Variants in GRIN3A observed in about 807,000 individuals in gnomAD.
The protein encoded by GRIN3A is glutamate ionotropic receptor NMDA type subunit 3A, also known as glutamate receptor ionotropic, NMDA 3A.
Under a neutral mutation model 92.4 loss-of-function variants are expected in GRIN3A, and 47 were observed. That is an observed-to-expected ratio of 0.51 (90% confidence interval 0.40 to 0.65). The LOEUF is 0.65. GRIN3A is among the 30% of genes least tolerant of loss of function. The pLI, the probability that GRIN3A is intolerant of heterozygous loss-of-function variation, is 0.00. For missense variants in GRIN3A, 1,324 were observed against 1,393.1 expected (o/e 0.95, Z 0.79); for synonymous variants, 527 against 540.6 (o/e 0.97, Z 0.35).
At chr9:101,696,032 C>A (rs1367801697) in intron 1 of GRIN3A, among the ~76,000 whole-genome samples, 1 of 152,184 alleles carries the variant, frequency 6.6e-6, no homozygotes, top group Non-Finnish European at 1.5e-5. Flanking sequence ...GCCTACCTAG[C>A]ATGTTACAAT....
chr9:101,670,354 G>A lies in GRIN3A; in HGVS notation c.2058C>T (p.His686=). 1.9e-6 allele frequency: 3 copies of A among 1,614,038 alleles called. No individual in the cohort carries two copies. Among genetic ancestry groups the A allele is most frequent in the Non-Finnish European group, 2.5e-6 (3 of 1,179,974 alleles). The change falls in exon 3 of 9, where the codon CAC becomes CAT. Residue 686 remains histidine (H), a synonymous_variant. Transcript: ENST00000361820. ...ACAGAGTGAGGAAGACGGCAGTGAT[G>A]TGCAGAGCCACAAAAATCCCCAGCC... ...TMWLGIFVAL[H]ITAVFLTLYE... is the part of the protein sequence containing the mutation.
At chr9:101,662,952 C>A (rs947087216) in intron 3 of GRIN3A, among the ~76,000 whole-genome samples, 2 of 151,810 alleles carry the variant, frequency 1.3e-5, no homozygotes, top group African/African-American at 4.8e-5. Context: ...TACAGTATGA[C>A]ATTCTTTGGA....
chr9:101,594,377 A>G, intron 6 of GRIN3A: 1 of 1,553,390 alleles, frequency 6.4e-7, no homozygotes, highest in South Asian at 1.2e-5. Flanking sequence ...AAGAAAGCAG[A>G]AGTTGTTGGG....
chr9:101,637,799 A>C (rs1467257016), intron 3 of GRIN3A, among the ~76,000 whole-genome samples: 2 of 152,218 alleles, frequency 1.3e-5, no homozygotes, highest in Admixed American at 1.3e-4. Context: ...CTTTGTATCC[A>C]AACATTATAC....
At chr9:101,590,949 G>C (rs373361072) in intron 6 of GRIN3A, among the ~76,000 whole-genome samples, 38 of 152,264 alleles carry the variant, frequency 2.5e-4, no homozygotes, top group African/African-American at 8.7e-4. Context: ...TAAAGCATGA[G>C]AGAATATACA....
At chr9:101,605,278 T>C (rs1828263759) in intron 6 of GRIN3A, among the ~76,000 whole-genome samples, 1 of 152,222 alleles carries the variant, frequency 6.6e-6, no homozygotes, top group African/African-American at 2.4e-5. Context: ...ATTAACACTA[T>C]CCATTCAGCA....
intron 1 of GRIN3A, among the ~76,000 whole-genome samples, chr9:101,695,613 A>G (rs1829675550): frequency 1.3e-5 from 2 of 152,206 alleles, no homozygotes; most frequent in South Asian, 4.1e-4. Flanking sequence ...ATGTGACAGC[A>G]GAACCTGACA....
intron 6 of GRIN3A, among the ~76,000 whole-genome samples, chr9:101,590,172 C>T (rs576429599): frequency 9.0e-4 from 137 of 152,208 alleles, no homozygotes; most frequent in Middle Eastern, 3.4e-3. Flanking sequence ...ACTGCTACTA[C>T]GGTGACCCTT....
intron 6 of GRIN3A, among the ~76,000 whole-genome samples, chr9:101,608,996 G>C (rs1216166587): frequency 6.6e-6 from 1 of 152,208 alleles, no homozygotes; most frequent in Non-Finnish European, 1.5e-5. Context: ...TGCAGAGTGA[G>C]AGTAGAAGTG....
At chr9:101,647,395 T>A (rs1048785968) in intron 3 of GRIN3A, among the ~76,000 whole-genome samples, 1 of 151,928 alleles carries the variant, frequency 6.6e-6, no homozygotes, top group Admixed American at 6.6e-5. Context: ...TTTGGTTTGA[T>A]AGCACTTTGT....
At chr9:101,729,218 T>A (rs1830111770) in intron 1 of GRIN3A, among the ~76,000 whole-genome samples, 1 of 152,226 alleles carries the variant, frequency 6.6e-6, no homozygotes, top group African/African-American at 2.4e-5. Context: ...CATAAGTCTG[T>A]GTGGGCAATT....
chr9:101,652,866 G>A (rs1829032261), intron 3 of GRIN3A, among the ~76,000 whole-genome samples: 1 of 151,928 alleles, frequency 6.6e-6, no homozygotes, highest in South Asian at 2.1e-4. Flanking sequence ...GCTTTTATGA[G>A]AATGAACATT....
intron 1 of GRIN3A, among the ~76,000 whole-genome samples, chr9:101,700,606 T>C (rs973150975): frequency 3.3e-5 from 5 of 152,226 alleles, no homozygotes; most frequent in African/African-American, 1.2e-4. Context: ...TTATAAATTA[T>C]TCATAATACA....
At position 101,737,940 on chromosome 9, in the gene GRIN3A, A is replaced by C. The variant is rs1316608466; in HGVS notation, c.40T>G (p.Cys14Gly). 2 of 1,538,034 alleles carry C rather than the reference A, an allele frequency of 1.3e-6. No individual in the cohort carries two copies. Among genetic ancestry groups the C allele is most frequent in the Non-Finnish European group, 1.7e-6 (2 of 1,148,612 alleles). The change falls in exon 1 of 9, where the codon TGT becomes GGT. Residue 14 changes from cysteine to glycine, a missense_variant. Coordinates refer to ENST00000361820, the MANE Select transcript of GRIN3A (RefSeq NM_133445.3). ...GCGCAGGGCGGCGGCAACAGCAGACAGACCCTGCTCAGCAGCCACCACAAA... is the reference window on the plus strand; with the variant it reads ...GCGCAGGGCGGCGGCAACAGCAGACCGACCCTGCTCAGCAGCCACCACAAA... ...LSLWWLLSRV[C>G]LLLPPPCALV...
intron 1 of GRIN3A, among the ~76,000 whole-genome samples, chr9:101,719,140 C>T (rs908501411): frequency 1.1e-4 from 16 of 152,018 alleles, no homozygotes; most frequent in African/African-American, 3.1e-4. Context: ...AGTGGTGGGC[C>T]GGGCGCAGTG....
intron 1 of GRIN3A, among the ~76,000 whole-genome samples, chr9:101,691,730 T>C (rs2118986562): frequency 6.6e-6 from 1 of 152,262 alleles, no homozygotes; most frequent in Middle Eastern, 3.4e-3. Flanking sequence ...AAGTTCTAAG[T>C]TTTCCTTGCT....
At chr9:101,693,847 G>C (rs987993662) in intron 1 of GRIN3A, among the ~76,000 whole-genome samples, 2 of 152,214 alleles carry the variant, frequency 1.3e-5, no homozygotes, top group African/African-American at 2.4e-5. Flanking sequence ...GTGTTTGGTA[G>C]AGTAAGCAAG....
Position 101,670,617 on chromosome 9 carries a change from T to C in GRIN3A, c.1795A>G (p.Ile599Val). 3 of 1,614,016 alleles carry C rather than the reference T, an allele frequency of 1.9e-6. No homozygotes were observed. The highest frequency in any genetic ancestry group is 2.5e-6 in the Non-Finnish European group (3 of 1,179,938). The change falls in exon 3 of 9, where the codon ATT (isoleucine) becomes GTT (valine). Residue 599 changes from isoleucine to valine, a missense_variant. By Grantham distance (29) the Ile-to-Val change is conservative. Coordinates refer to ENST00000361820, the MANE Select transcript of GRIN3A (RefSeq NM_133445.3). The stretch of plus-strand genomic sequence containing the variant: ...GCTCCATACTTTCCATCCCCTACAA[T>C]ATAGAGGTCGAAGTCAAAGTTCATG... ...EDMNFDFDLY[I>V]VGDGKYGAWK...
chr9:101,580,648 A>T (rs1183417711), intron 6 of GRIN3A, among the ~76,000 whole-genome samples: 1 of 152,200 alleles, frequency 6.6e-6, no homozygotes, highest in Non-Finnish European at 1.5e-5. Context: ...CAAGCCACAA[A>T]AAAGGCATAG....
Sources: gnomAD v4.1 joint callset for allele counts (sites outside exome capture counted in the v4.1 genomes callset) on GRCh38, gnomAD v4.1.1 for gene constraint, MANE v1.5 for transcripts, NCBI Gene and HGNC (gene_info 2026-07-23, HGNC 2026-07-21) for gene names.